The following LPCAT1 variants were observed in gnomAD, a reference collection of about 807,000 sequenced individuals.
LPCAT1 encodes the protein lysophosphatidylcholine acyltransferase 1.
A neutral mutation model predicts 60.9 loss-of-function variants in LPCAT1; 23 were observed. That is an observed-to-expected ratio of 0.38 (90% CI 0.27 to 0.53). LPCAT1 has a LOEUF of 0.53. LPCAT1 is among the 20% of genes least tolerant of loss of function. LPCAT1 has a pLI of 0.82. For missense variants in LPCAT1, 622 were observed against 723.6 expected (o/e 0.86, Z 1.61); for synonymous variants, 340 against 301.1 (o/e 1.13, Z -1.34).
At chr5:1,513,080 C>G (rs1192135057) in intron 1 of LPCAT1, among the ~76,000 whole-genome samples, 2 of 152,200 alleles carry the variant, frequency 1.3e-5, no homozygotes, top group Non-Finnish European at 2.9e-5. Context: ...GGCAGGGTGG[C>G]TATGTGAGCA....
At position 1,487,590 on chromosome 5, in the gene LPCAT1, A is replaced by C. The variant is rs1159304499; in HGVS notation, c.667+801T>G. Among the ~76,000 whole-genome samples the C allele has an allele frequency of 1.3e-5, 2 of 152,158 alleles. No homozygotes were observed. The highest frequency in any genetic ancestry group is 1.3e-4 in the Admixed American group (2 of 15,264). The stretch of plus-strand genomic sequence containing the variant: ...AGCTCCCATAAATGTCCAGACACTC[A>C]GGTTGTGCGGCCCCAGAGGCACGGC... On this transcript the variant is annotated intron_variant, in intron 5 of 13. Coordinates refer to ENST00000283415, the MANE Select transcript of LPCAT1 (RefSeq NM_024830.5). The surrounding 1 kb of genome is among the most constrained non-coding windows in gnomAD (Gnocchi z 6.1).
In LPCAT1 at chr5:1,523,742, C is replaced by T; in HGVS notation, c.103G>A (p.Glu35Lys). 1 of 1,177,224 alleles carries T rather than the reference C, an allele frequency of 8.5e-7. No individual in the cohort carries two copies. The highest frequency in any genetic ancestry group is 2.3e-5 in the South Asian group (1 of 44,008). 72.9% of individuals were successfully genotyped at this position (1,177,224 alleles called of 1,614,324 possible). The change falls in exon 1 of 14, where the codon GAG becomes AAG. Residue 35 changes from glutamate to lysine, a missense_variant. Coordinates refer to ENST00000283415, the MANE Select transcript of LPCAT1 (RefSeq NM_024830.5). This position sits in a 1 kb window ranked among gnomAD's most constrained non-coding sequence, Gnocchi z 7.1. ...TTCTGCAGGGCGCTGAGGCGCAGCT[C>T]GTGCACGAAGGGGTTCCGCCCCGGG... ...APPGRNPFVH[E>K]LRLSALQKAQ...
Position 1,495,331 on chromosome 5 carries a change from G to T in LPCAT1, c.279-417C>A, listed in dbSNP as rs1348365489. Among the ~76,000 whole-genome samples the T allele has an allele frequency of 1.1e-4, 3 of 27,890 alleles. No homozygotes were observed. Among genetic ancestry groups the T allele is most frequent in the African/African-American group, 5.4e-4 (2 of 3,682 alleles). 18.3% of individuals were successfully genotyped at this position (27,890 alleles called of 152,430 possible). On this transcript the variant is annotated intron_variant, in intron 2 of 13. Coordinates refer to ENST00000283415, the MANE Select transcript of LPCAT1 (RefSeq NM_024830.5). The surrounding 1 kb of genome is among the most constrained non-coding windows in gnomAD (Gnocchi z 4.7). ...ACACCTAAAACGCATATCGCAATAT[G>T]GGGGGGGGGGCGCTCAGAGCTGAGG...
chr5:1,521,475 T>C lies in LPCAT1; in HGVS notation c.135+2235A>G, dbSNP rs1736675664. 1.0e-6 allele frequency: 1 copy of C among 985,410 alleles called. No homozygotes were observed. The highest frequency in any genetic ancestry group is 4.7e-5 in the South Asian group (1 of 21,288). The allele number at this position is 985,410 out of a possible 1,614,324, so 61.0% of individuals were successfully genotyped here. On this transcript the variant is annotated intron_variant, in intron 1 of 13. Coordinates refer to ENST00000283415, the MANE Select transcript of LPCAT1 (RefSeq NM_024830.5). The surrounding 1 kb of genome is among the most constrained non-coding windows in gnomAD (Gnocchi z 4.3). ...TTGAAAGACAGGCTATTTCACTCTG[T>C]GGAAACTTTACAAGAATATATCACA...
rs1304483992 is a variant in LPCAT1 at position 1,520,947 on chromosome 5, C to T, written c.135+2763G>A. 2.0e-5 allele frequency among the ~76,000 whole-genome samples: 3 copies of T among 150,380 alleles called. No homozygotes were observed. The East Asian group carries it at 5.8e-4, about 29-fold the overall frequency. Reference sequence around the variant, plus strand: ...AGAACCATAGTGGGAAATACTCATACCCACAGATTCCAAGGAAAGTACCGA... The same window carrying T: ...AGAACCATAGTGGGAAATACTCATATCCACAGATTCCAAGGAAAGTACCGA... On this transcript the variant is annotated intron_variant, in intron 1 of 13. Coordinates refer to ENST00000283415, the MANE Select transcript of LPCAT1 (RefSeq NM_024830.5).
intron 12 of LPCAT1, among the ~76,000 whole-genome samples, chr5:1,468,449 C>T (rs1734530501): frequency 6.6e-6 from 1 of 152,202 alleles, no homozygotes; most frequent in South Asian, 2.1e-4. Flanking sequence ...GCCTCCTGCC[C>T]CCTAGTGGTT....
chr5:1,511,263 C>A (rs561130953), intron 1 of LPCAT1, among the ~76,000 whole-genome samples: 1 of 152,206 alleles, frequency 6.6e-6, no homozygotes, highest in African/African-American at 2.4e-5. Context: ...ACCTCCCCGG[C>A]GCGCGCTGTT....
intron 2 of LPCAT1, 78 bp from the exon 3 acceptor site, chr5:1,494,992 C>T (rs1002086359): frequency 1.5e-4 from 196 of 1,342,534 alleles, no homozygotes; most frequent in Non-Finnish European, 1.8e-4. Context: ...GGCGGTCCCA[C>T]GGGAGAGCCC....
chr5:1,488,616 C>A (rs1369796640), intron 4 of LPCAT1, among the ~76,000 whole-genome samples, 165 bp from the exon 5 acceptor site: 1 of 152,214 alleles, frequency 6.6e-6, no homozygotes, highest in Non-Finnish European at 1.5e-5. Flanking sequence ...TGGAAGCACA[C>A]ACTGATTTCC....
intron 10 of LPCAT1, among the ~76,000 whole-genome samples, 171 bp from the exon 11 acceptor site, chr5:1,474,281 G>A (rs570779574): frequency 1.2e-4 from 19 of 152,346 alleles, no homozygotes; most frequent in African/African-American, 4.1e-4. Context: ...TTCTGTCCAA[G>A]TGTCAAGCCA....
intron 9 of LPCAT1, among the ~76,000 whole-genome samples, chr5:1,475,501 G>T (rs889044098): frequency 1.3e-5 from 2 of 152,224 alleles, no homozygotes; most frequent in Non-Finnish European, 2.9e-5. Context: ...CACTGCACAC[G>T]TGCCATTCAA....
At chr5:1,484,935 G>A (rs891865024) in intron 5 of LPCAT1, among the ~76,000 whole-genome samples, 2 of 152,212 alleles carry the variant, frequency 1.3e-5, no homozygotes, top group South Asian at 2.1e-4. Flanking sequence ...GGCTGTGTCA[G>A]GGGAGGCGGA....
At position 1,523,684 on chromosome 5, in the gene LPCAT1, C is replaced by T; in HGVS notation, c.135+26G>A. ...CATCCCTGGCGTCCGCGCCGGCTCC[C>T]GGGGCCGCGCGCCCTGGGCACCCAC... On this transcript the variant is annotated intron_variant, in intron 1 of 13. Transcript: ENST00000283415. The surrounding 1 kb of genome is among the most constrained non-coding windows in gnomAD (Gnocchi z 7.1). The T allele has an allele frequency of 9.2e-7, 1 of 1,083,976 alleles. No homozygotes were observed. Among genetic ancestry groups the T allele is most frequent in the Admixed American group, 5.4e-5 (1 of 18,528 alleles). 67.1% of individuals were successfully genotyped at this position (1,083,976 alleles called of 1,614,324 possible).
chr5:1,489,709 A>C, intron 4 of LPCAT1, 37 bp downstream of exon 4: 1 of 1,451,500 alleles, frequency 6.9e-7, no homozygotes, highest in South Asian at 1.1e-5. Context: ...CTTTCGGAAT[A>C]AAACCACTGA....
chr5:1,492,572 C>T (rs182154200), intron 3 of LPCAT1, among the ~76,000 whole-genome samples: 5 of 152,306 alleles, frequency 3.3e-5, no homozygotes, highest in African/African-American at 9.6e-5. Flanking sequence ...CTCGCAGGTC[C>T]GTGGATTATC....
chr5:1,468,130 C>T (rs1425183226), intron 12 of LPCAT1, among the ~76,000 whole-genome samples: 2 of 152,160 alleles, frequency 1.3e-5, no homozygotes, highest in African/African-American at 2.4e-5. Flanking sequence ...GCTGTCCCCG[C>T]GTTCACACCC....
At chr5:1,470,473 C>T (rs769554968) in intron 12 of LPCAT1, among the ~76,000 whole-genome samples, 2 of 152,198 alleles carry the variant, frequency 1.3e-5, no homozygotes, top group Non-Finnish European at 2.9e-5. Context: ...GTGCTTTCTT[C>T]ACCAGTCCAG....
rs1276124638 is a variant in LPCAT1 at position 1,481,724 on chromosome 5, G to C, written c.727-748C>G. Among the ~76,000 whole-genome samples the C allele has an allele frequency of 6.6e-6, 1 of 152,266 alleles. No homozygotes were observed. Among genetic ancestry groups the C allele is most frequent in the Non-Finnish European group, 1.5e-5 (1 of 68,050 alleles). On this transcript the variant is annotated intron_variant, in intron 6 of 13. Transcript: ENST00000283415. The surrounding 1 kb of genome is among the most constrained non-coding windows in gnomAD (Gnocchi z 7.8). ...CTCGGGTTGACTTTTTTGCCCACAG[G>C]AGTTGCACTGGGGCATGGTTTCCGC... is the stretch of plus-strand genomic sequence containing the variant.
intron 1 of LPCAT1, among the ~76,000 whole-genome samples, chr5:1,508,772 G>C (rs370135699): frequency 1.3e-5 from 2 of 152,202 alleles, no homozygotes; most frequent in East Asian, 3.8e-4. Context: ...GAACTCTCTG[G>C]AAGTCTCTGA....
Sources: gnomAD v4.1 joint callset for allele counts (sites outside exome capture counted in the v4.1 genomes callset) on GRCh38, gnomAD v4.1.1 for gene constraint, Gnocchi (gnomAD v3.1) non-coding constraint, MANE v1.5 for transcripts, NCBI Gene and HGNC (gene_info 2026-07-23, HGNC 2026-07-21) for gene names.